The following PUS10 variants were observed in gnomAD, a reference collection of about 807,000 sequenced individuals.
PUS10 encodes tRNA pseudouridine synthase Pus10.
Under a neutral mutation model 75.0 loss-of-function variants are expected in PUS10, and 59 were observed. The observed-to-expected ratio is 0.79, with a 90% confidence interval of 0.64 to 0.98. PUS10 has a LOEUF of 0.98. Among genes scored for constraint, PUS10 ranks in the 50% least tolerant of loss-of-function variants. The probability of loss-of-function intolerance (pLI) is 0.00; values close to 1 mark genes in which losing one functional copy is unlikely to be tolerated. For synonymous variants in PUS10, 219 were observed against 211.6 expected, an observed-to-expected ratio of 1.03 and a Z score of -0.30; for missense variants, 650 against 614.4, an observed-to-expected ratio of 1.06 and a Z score of -0.61.
At chr2:61,002,397 C>T (rs1678912054) in intron 4 of PUS10, among the ~76,000 whole-genome samples, 1 of 152,220 alleles carries the variant, frequency 6.6e-6, no homozygotes, top group South Asian at 2.1e-4. Context: ...AACAACCCTT[C>T]CCTTGGCCAG....
At chr2:60,949,173 A>T (rs1162330304) in intron 15 of PUS10, among the ~76,000 whole-genome samples, 1 of 152,210 alleles carries the variant, frequency 6.6e-6, no homozygotes, top group Admixed American at 6.5e-5. Flanking sequence ...TTTATTATAG[A>T]AACACTTTGT....
At chr2:60,965,734 T>C in intron 6 of PUS10, 1 of 294,928 alleles carries the variant, frequency 3.4e-6, no homozygotes, top group Non-Finnish European at 6.2e-6. Flanking sequence ...TAAATGTGTA[T>C]ACTTTTTGGA....
At chr2:60,962,795 G>A (rs754331275) in intron 9 of PUS10, 31 bp downstream of exon 9, 5 of 1,569,160 alleles carry the variant, frequency 3.2e-6, no homozygotes, top group Non-Finnish European at 4.3e-6. Context: ...AAAATTTCAC[G>A]ATGCTTCTTT....
intron 4 of PUS10, among the ~76,000 whole-genome samples, chr2:60,972,490 AAG>A (rs1364178152): frequency 1.3e-5 from 2 of 152,180 alleles, no homozygotes; most frequent in East Asian, 3.9e-4. Context: ...AAAGAAAAAA[AAG>A]AAATGTATGC....
chr2:60,963,244 T>C lies in PUS10; in HGVS notation c.724-354A>G, dbSNP rs528815119. ...CTGTAGGAAGTGTGATTTAATTTTT[T>C]TTCCCTTGACTTCAACAGGAATTTA... On this transcript the variant is annotated intron_variant, in intron 8 of 17. Transcript: ENST00000316752. Among the ~76,000 whole-genome samples, 12 of 152,354 alleles carry C rather than the reference T, an allele frequency of 7.9e-5. No homozygotes were observed. In the East Asian group the frequency reaches 1.9e-3, roughly 24 times the overall value.
At chr2:61,007,054 A>G (rs1305423481) in intron 3 of PUS10, among the ~76,000 whole-genome samples, 1 of 152,226 alleles carries the variant, frequency 6.6e-6, no homozygotes, top group Non-Finnish European at 1.5e-5. Flanking sequence ...ACAACTAGAA[A>G]TGAACTTTTC....
chr2:60,962,073 T>G (rs1676059023), intron 9 of PUS10, among the ~76,000 whole-genome samples: 1 of 152,240 alleles, frequency 6.6e-6, no homozygotes, highest in Non-Finnish European at 1.5e-5. Context: ...TATTTTAGCA[T>G]ATTTTAACAA....
chr2:61,009,855 A>T (rs1375007712), intron 2 of PUS10: 2 of 152,322 alleles, frequency 1.3e-5, no homozygotes, highest in Non-Finnish European at 2.9e-5. Flanking sequence ...AAACAAATTT[A>T]AATCCATTTT....
intron 4 of PUS10, among the ~76,000 whole-genome samples, chr2:60,986,648 A>C (rs1459723209): frequency 1.3e-5 from 2 of 152,234 alleles, no homozygotes; most frequent in Non-Finnish European, 2.9e-5. Context: ...ATACACCAAA[A>C]ACTTCAAACA....
chr2:60,960,632 G>C (rs1252149870), intron 10 of PUS10, 115 bp from the exon 11 acceptor site: 2 of 916,278 alleles, frequency 2.2e-6, no homozygotes, highest in East Asian at 6.1e-5. Flanking sequence ...TATAAAACAA[G>C]GCCTATCCTT....
At chr2:60,982,232 A>G (rs970159532) in intron 4 of PUS10, among the ~76,000 whole-genome samples, 1 of 151,816 alleles carries the variant, frequency 6.6e-6, no homozygotes, top group African/African-American at 2.4e-5. Flanking sequence ...CTTTATCTTG[A>G]TCCCTGGATT....
At chr2:60,990,040 AC>A (rs1456585334) in intron 4 of PUS10, among the ~76,000 whole-genome samples, 1 of 152,168 alleles carries the variant, frequency 6.6e-6, no homozygotes, top group Non-Finnish European at 1.5e-5. Context: ...GAAACTAGAG[AC>A]AAAAAAATTA....
chr2:60,992,519 G>A (rs1678154073), intron 4 of PUS10, among the ~76,000 whole-genome samples: 1 of 152,126 alleles, frequency 6.6e-6, no homozygotes, highest in Non-Finnish European at 1.5e-5. Context: ...AATTTCTAGT[G>A]ATAATACTAA....
rs1674745009 is a variant in PUS10, at chr2:60,943,497, C to CT, written c.1552-1065dup. 6.7e-5 allele frequency among the ~76,000 whole-genome samples: 10 copies of CT among 150,240 alleles called. No individual in the cohort carries two copies. The South Asian group carries it at 2.1e-3, about 32-fold the overall frequency. On this transcript the variant is annotated intron_variant, in intron 17 of 17. Coordinates refer to ENST00000316752, the MANE Select transcript of PUS10 (RefSeq NM_144709.4). ...AAAAAAAAAAAAAAACCCACCGTAT[C>CT]TATCTGTGGCTTTTATTGACATTTA...
At chr2:60,967,745 A>C in intron 5 of PUS10, 132 bp from the exon 6 acceptor site, 2 of 564,224 alleles carry the variant, frequency 3.5e-6, no homozygotes, top group Non-Finnish European at 3.0e-6. Context: ...CTACACATTA[A>C]ATAGAAAGCA....
At chr2:60,949,394 T>C (rs1675193534) in intron 15 of PUS10, among the ~76,000 whole-genome samples, 1 of 152,230 alleles carries the variant, frequency 6.6e-6, no homozygotes, top group African/African-American at 2.4e-5. Flanking sequence ...TCCCAGTACT[T>C]TGACCATGAG....
chr2:61,015,694 A>G (rs552868128), intron 1 of PUS10, among the ~76,000 whole-genome samples: 55 of 152,262 alleles, frequency 3.6e-4, no homozygotes, highest in Admixed American at 1.6e-3. Context: ...GCGAGACTCC[A>G]TCTCAATAAA....
chr2:60,998,581 C>CA (rs1331041092), intron 4 of PUS10, among the ~76,000 whole-genome samples: 1 of 151,926 alleles, frequency 6.6e-6, no homozygotes. Flanking sequence ...CCCAGCTACT[C>CA]AGGGAGGCTG....
intron 4 of PUS10, among the ~76,000 whole-genome samples, chr2:60,991,983 T>G (rs1678114664): frequency 6.6e-6 from 1 of 151,462 alleles, no homozygotes; most frequent in Non-Finnish European, 1.5e-5. Flanking sequence ...AGAAACAAGT[T>G]GCAGATTGAA....
Sources: gnomAD v4.1 joint callset for allele counts (sites outside exome capture counted in the v4.1 genomes callset) on GRCh38, gnomAD v4.1.1 for gene constraint, MANE v1.5 for transcripts, NCBI Gene and HGNC (gene_info 2026-07-23, HGNC 2026-07-21) for gene names.